Variants in CDK14 observed in about 807,000 individuals in gnomAD.
CDK14 encodes the protein cyclin dependent kinase 14, also known as cyclin-dependent kinase 14.
A neutral mutation model predicts 60.7 loss-of-function variants in CDK14; 34 were observed. The ratio of observed to expected loss-of-function variants is 0.56; its 90% confidence interval spans 0.43 to 0.75. The LOEUF (loss-of-function observed/expected upper bound fraction) is 0.75. Among genes scored for constraint, CDK14 ranks in the 30% least tolerant of loss-of-function variants. The pLI is 0.00. For missense variants in CDK14, 482 were observed against 564.1 expected (o/e 0.85, Z 1.47); for synonymous variants, 197 against 203.7 (o/e 0.97, Z 0.28).
At chr7:90,681,760 C>T (rs1032394122) in intron 2 of CDK14, among the ~76,000 whole-genome samples, 11 of 152,104 alleles carry the variant, frequency 7.2e-5, no homozygotes, top group South Asian at 2.1e-4. Flanking sequence ...GAGACTTCAG[C>T]CCTAGTGTCT....
intron 2 of CDK14, among the ~76,000 whole-genome samples, chr7:90,657,570 C>G (rs1412945686): frequency 6.6e-6 from 1 of 152,108 alleles, no homozygotes; most frequent in African/African-American, 2.4e-5. Context: ...GTGGTAGGCA[C>G]TAGACACTTA....
intron 2 of CDK14, chr7:90,709,464 A>T: frequency 6.4e-7 from 1 of 1,573,944 alleles, no homozygotes; most frequent in Non-Finnish European, 8.6e-7. Context: ...CCCATTCTGT[A>T]TTCTTCTGAA....
chr7:91,144,477 A>G (rs997042772), intron 14 of CDK14, among the ~76,000 whole-genome samples: 1 of 151,572 alleles, frequency 6.6e-6, no homozygotes, highest in Non-Finnish European at 1.5e-5. Flanking sequence ...TTCAGGATCA[A>G]AAATGCAGTA....
chr7:91,009,769 C>T (rs1796096496), intron 10 of CDK14, among the ~76,000 whole-genome samples: 1 of 152,018 alleles, frequency 6.6e-6, no homozygotes, highest in Admixed American at 6.6e-5. Context: ...TTCTCTCAGT[C>T]TCTGGTTTGC....
chr7:91,039,608 T>C (rs550887020), intron 10 of CDK14, among the ~76,000 whole-genome samples: 1 of 152,280 alleles, frequency 6.6e-6, no homozygotes, highest in East Asian at 1.9e-4. Context: ...ATAGAGAAAA[T>C]GAATATTTGA....
At chr7:90,932,197 A>G (rs1793614363) in intron 8 of CDK14, among the ~76,000 whole-genome samples, 1 of 152,108 alleles carries the variant, frequency 6.6e-6, no homozygotes, top group Non-Finnish European at 1.5e-5. Context: ...TGAATCTGAA[A>G]AGTCATTTCT....
chr7:90,989,067 A>T (rs1266904875), intron 10 of CDK14, among the ~76,000 whole-genome samples: 1 of 151,676 alleles, frequency 6.6e-6, no homozygotes. Flanking sequence ...TATAGTACTC[A>T]GTCTGGCTTT....
At chr7:90,917,569 C>A in intron 7 of CDK14, 32 bp from the exon 8 acceptor site, 1 of 1,606,024 alleles carries the variant, frequency 6.2e-7, no homozygotes, top group South Asian at 1.1e-5. Context: ...TATCTGTGTT[C>A]TGATTTTAAC....
intron 11 of CDK14, among the ~76,000 whole-genome samples, chr7:91,050,554 C>A (rs1448300976): frequency 3.9e-5 from 6 of 152,130 alleles, no homozygotes; most frequent in Non-Finnish European, 8.8e-5. Flanking sequence ...AACTTAAGCT[C>A]AGCATATTCC....
intron 9 of CDK14, among the ~76,000 whole-genome samples, chr7:90,980,256 C>T (rs1795196084): frequency 2.0e-5 from 3 of 152,132 alleles, no homozygotes; most frequent in Non-Finnish European, 4.4e-5. Context: ...CATCCTGTGA[C>T]ACCTTTGATT....
intron 2 of CDK14, among the ~76,000 whole-genome samples, chr7:90,724,307 T>A (rs1218124966): frequency 6.6e-6 from 1 of 152,080 alleles, no homozygotes. Flanking sequence ...GTATATTTTC[T>A]ACTTTTTTTT....
chr7:90,995,700 T>C (rs1795662681), intron 10 of CDK14, among the ~76,000 whole-genome samples: 1 of 152,218 alleles, frequency 6.6e-6, no homozygotes, highest in Non-Finnish European at 1.5e-5. Context: ...TGAGACTAAA[T>C]GCCAAATCTG....
At chr7:90,992,301 T>C (rs1795563096) in intron 10 of CDK14, among the ~76,000 whole-genome samples, 1 of 152,236 alleles carries the variant, frequency 6.6e-6, no homozygotes, top group South Asian at 2.1e-4. Flanking sequence ...CTTTTTTTAC[T>C]TCAGTGTTTT....
chr7:90,897,971 G>C (rs1792388707), intron 6 of CDK14, among the ~76,000 whole-genome samples: 1 of 151,930 alleles, frequency 6.6e-6, no homozygotes, highest in African/African-American at 2.4e-5. Context: ...CAAGATAAAG[G>C]CAATTTTGTC....
At chr7:90,929,494 G>T (rs1793525644) in intron 8 of CDK14, among the ~76,000 whole-genome samples, 1 of 152,138 alleles carries the variant, frequency 6.6e-6, no homozygotes. Context: ...ACTTTTTGTT[G>T]TTTGTAGCTC....
At chr7:91,100,126 C>T (rs1049122875) in intron 12 of CDK14, among the ~76,000 whole-genome samples, 6 of 151,940 alleles carry the variant, frequency 3.9e-5, no homozygotes, top group East Asian at 1.9e-4. Flanking sequence ...AACTGAGATA[C>T]GAGTATAATG....
chr7:91,137,702 GTGTGTGTGTGTGTA>G (rs1245134801), intron 14 of CDK14, among the ~76,000 whole-genome samples: 13 of 144,226 alleles, frequency 9.0e-5, no homozygotes, highest in African/African-American at 3.1e-4. Flanking sequence ...GGGTGTGTGT[GTGTGTGTGTGTGTA>G]TGTGTGTGTG....
At chr7:90,599,005 A>G (rs1799259244) in intron 1 of CDK14, among the ~76,000 whole-genome samples, 1 of 152,122 alleles carries the variant, frequency 6.6e-6, no homozygotes, top group African/African-American at 2.4e-5. Flanking sequence ...CGCCCGGCCT[A>G]TCTAAGGATT....
intron 2 of CDK14, among the ~76,000 whole-genome samples, chr7:90,668,284 T>G (rs1449332788): frequency 6.6e-6 from 1 of 152,214 alleles, no homozygotes; most frequent in Non-Finnish European, 1.5e-5. Flanking sequence ...AAGCACTTTT[T>G]CATTGGGGTA....
Sources: allele counts gnomAD v4.1 joint callset (sites outside exome capture counted in the v4.1 genomes callset), GRCh38; gene constraint gnomAD v4.1.1; transcripts MANE v1.5; gene names NCBI Gene and HGNC (gene_info 2026-07-23, HGNC 2026-07-21).